Variants in WASF2 observed in about 807,000 individuals in gnomAD.
The protein encoded by WASF2 is WASP family member 2.
WASF2 carries 14 observed loss-of-function variants against 45.0 expected under a neutral mutation model. That is an observed-to-expected ratio of 0.31 (90% CI 0.21 to 0.49). WASF2 has a LOEUF of 0.49. WASF2 is among the 20% of genes least tolerant of loss of function. The pLI, the probability that WASF2 is intolerant of heterozygous loss-of-function variation, is 0.99. For missense variants in WASF2, 439 were observed against 636.1 expected (o/e 0.69, Z 3.33); for synonymous variants, 200 against 236.3 (o/e 0.85, Z 1.41).
intron 1 of WASF2, among the ~76,000 whole-genome samples, chr1:27,454,153 GTATATATATA>G (rs869245464): frequency 2.7e-4 from 27 of 98,682 alleles, no homozygotes; most frequent in Middle Eastern, 5.7e-3. Context: ...GTGTGTGTGT[GTATATATATA>G]TATATATATA....
chr1:27,489,193 C>T lies in WASF2; in HGVS notation c.-44+793G>A, dbSNP rs2017988950. On this transcript the variant is annotated intron_variant, in intron 1 of 8. Transcript: ENST00000618852. ...TGGTCTGGGTAGCACCCACGTCCTC[C>T]TTGGAACAGCCCCTTTAGACAACTC... Among the ~76,000 whole-genome samples, 4 of 151,886 alleles carry T rather than the reference C, an allele frequency of 2.6e-5. No homozygotes were observed. The South Asian group carries it at 8.3e-4, about 32-fold the overall frequency.
intron 7 of WASF2, among the ~76,000 whole-genome samples, chr1:27,412,182 T>C (rs2016770129): frequency 6.6e-6 from 1 of 152,214 alleles, no homozygotes; most frequent in Non-Finnish European, 1.5e-5. Flanking sequence ...TTTGAAGTTA[T>C]TTTAGTGGTC....
In WASF2 at chr1:27,488,530, C is replaced by T. The variant is rs184770942; in HGVS notation, c.-44+1456G>A. On this transcript the variant is annotated intron_variant, in intron 1 of 8. Transcript: ENST00000618852. ...AAGTCTAGTCTATATACACCAATAG[C>T]TGCTGAACTTTTTCTACAGGCAACC... 2.5e-3 allele frequency among the ~76,000 whole-genome samples: 379 copies of T among 152,274 alleles called. 2 individuals carry two copies. The highest frequency in any genetic ancestry group is 3.9e-3 in the Non-Finnish European group (263 of 68,022).
At chr1:27,440,261 T>G (rs555597385) in intron 1 of WASF2, among the ~76,000 whole-genome samples, 1 of 152,310 alleles carries the variant, frequency 6.6e-6, no homozygotes, top group Admixed American at 6.5e-5. Flanking sequence ...TGGTGGCTCA[T>G]GCCTATAATC....
At chr1:27,484,813 A>G (rs928802781) in intron 1 of WASF2, among the ~76,000 whole-genome samples, 1 of 150,022 alleles carries the variant, frequency 6.7e-6, no homozygotes, top group Non-Finnish European at 1.5e-5. Context: ...CTCTGTCTCA[A>G]AAAAAAAAAG....
intron 1 of WASF2, among the ~76,000 whole-genome samples, chr1:27,466,725 GGT>G (rs1412828339): frequency 6.6e-6 from 1 of 152,012 alleles, no homozygotes; most frequent in Non-Finnish European, 1.5e-5. Flanking sequence ...AAGTTAGCTG[GGT>G]GTGGTGGTGC....
At position 27,410,088 on chromosome 1, in the gene WASF2, C is replaced by T; in HGVS notation, c.943G>A (p.Gly315Arg). 1.2e-6 allele frequency: 2 copies of T among 1,613,166 alleles called. No homozygotes were observed. The highest frequency in any genetic ancestry group is 1.1e-5 in the South Asian group (1 of 90,968). ...GGAGGGGCAGGTGGTGGAGCAAACC[C>T]GGGTTTAGGGCCTGGTGGAGAGCCT... ...PLGSPPGPKPGFAPPPAPPPP... is the reference protein window; with the variant it reads ...PLGSPPGPKPRFAPPPAPPPP... Residue 315 changes from glycine to arginine, a missense_variant, in exon 8 of 9, where the codon GGG (glycine) becomes AGG (arginine). Gly to Arg is a moderately radical substitution (Grantham distance 125, BLOSUM62 -2). Coordinates refer to ENST00000618852, the MANE Select transcript of WASF2 (RefSeq NM_006990.5). This position sits in a 1 kb window ranked among gnomAD's most constrained non-coding sequence, Gnocchi z 4.2.
intron 2 of WASF2, among the ~76,000 whole-genome samples, chr1:27,428,243 G>C (rs529790172): frequency 2.0e-4 from 31 of 152,266 alleles, no homozygotes; most frequent in African/African-American, 7.0e-4. Context: ...TGTGTACCAG[G>C]GTGGACAAGT....
intron 1 of WASF2, among the ~76,000 whole-genome samples, chr1:27,482,371 T>C (rs898279214): frequency 5.9e-5 from 9 of 152,228 alleles, no homozygotes; most frequent in African/African-American, 2.2e-4. Flanking sequence ...TTTGGAGTTA[T>C]GAAGTGTTTA....
chr1:27,487,228 G>A (rs1263244458), intron 1 of WASF2, among the ~76,000 whole-genome samples: 1 of 145,630 alleles, frequency 6.9e-6, no homozygotes, highest in Admixed American at 7.1e-5. Context: ...AGCTTCCCGA[G>A]TAGCCGGGAC....
chr1:27,411,276 G>C (rs544561528), intron 7 of WASF2, among the ~76,000 whole-genome samples: 1 of 152,322 alleles, frequency 6.6e-6, no homozygotes, highest in South Asian at 2.1e-4. Context: ...AAAAGTAACG[G>C]AGAAAACAGT....
chr1:27,460,935 G>A (rs754324491), intron 1 of WASF2, among the ~76,000 whole-genome samples: 1 of 152,058 alleles, frequency 6.6e-6, no homozygotes, highest in East Asian at 1.9e-4. Context: ...TCAGGAGATC[G>A]AGACCATCCT....
rs1462670540 is a variant in WASF2, at chr1:27,414,214, T to C, written c.668+619A>G. Among the ~76,000 whole-genome samples, 1 of 152,196 alleles carries C rather than the reference T, an allele frequency of 6.6e-6. No homozygotes were observed. The highest frequency in any genetic ancestry group is 2.4e-5 in the African/African-American group (1 of 41,454). Reference sequence around the variant, plus strand: ...TCAAACCAAGCTTTAAAACCATCTTTTTCCCCCTTTAAACCTCCAGTGTGA... The same window carrying C: ...TCAAACCAAGCTTTAAAACCATCTTCTTCCCCCTTTAAACCTCCAGTGTGA... On this transcript the variant is annotated intron_variant, in intron 6 of 8. Coordinates refer to ENST00000618852, the MANE Select transcript of WASF2 (RefSeq NM_006990.5). The surrounding 1 kb of genome is among the most constrained non-coding windows in gnomAD (Gnocchi z 4.1).
rs558826790 is a variant in WASF2 at position 27,432,647 on chromosome 1, CAAAA to C, written c.-43-3718_-43-3715del. Among the ~76,000 whole-genome samples the C allele has an allele frequency of 1.4e-4, 7 of 51,390 alleles. No individual in the cohort carries two copies. The Admixed American group carries it at 1.4e-3, about 10-fold the overall frequency. The allele number at this position is 51,390 out of a possible 152,430, so 33.7% of individuals were successfully genotyped here. ...TGGGCGACAGAGCGAAACTCTGTCT[CAAAA>C]AAAAAAAAAAAAAAAAAAAAGAGGC... On this transcript the variant is annotated intron_variant, in intron 1 of 8. Transcript: ENST00000618852.
chr1:27,446,822 T>C (rs2017316320), intron 1 of WASF2, among the ~76,000 whole-genome samples: 3 of 151,232 alleles, frequency 2.0e-5, no homozygotes, highest in Admixed American at 2.0e-4. Flanking sequence ...TTTGGTACAG[T>C]AGCCGGAACT....
At chr1:27,440,221 G>A (rs1456027583) in intron 1 of WASF2, among the ~76,000 whole-genome samples, 2 of 151,908 alleles carry the variant, frequency 1.3e-5, no homozygotes, top group Non-Finnish European at 1.5e-5. Flanking sequence ...GAGGCATTAC[G>A]ATTCAAGAGA....
chr1:27,416,194 T>C, intron 4 of WASF2, 92 bp from the exon 5 acceptor site: 1 of 1,052,760 alleles, frequency 9.5e-7, no homozygotes, highest in Non-Finnish European at 1.5e-6. Context: ...TAGCAGTTTT[T>C]ACACCAAGGA....
chr1:27,438,426 C>G (rs2474296), intron 1 of WASF2, among the ~76,000 whole-genome samples: 3 of 152,222 alleles, frequency 2.0e-5, no homozygotes, highest in African/African-American at 7.2e-5. Flanking sequence ...TCTCAATTCA[C>G]CTGGCTAGCT....
At chr1:27,452,495 GA>G (rs1201365056) in intron 1 of WASF2, among the ~76,000 whole-genome samples, 9 of 151,134 alleles carry the variant, frequency 6.0e-5, no homozygotes, top group Admixed American at 5.9e-4. Context: ...CCTGGTGACA[GA>G]GTGAGACTGT....
Sources: gnomAD v4.1 joint callset for allele counts (sites outside exome capture counted in the v4.1 genomes callset) on GRCh38, gnomAD v4.1.1 for gene constraint, Gnocchi (gnomAD v3.1) non-coding constraint, MANE v1.5 for transcripts, NCBI Gene and HGNC (gene_info 2026-07-23, HGNC 2026-07-21) for gene names.